The following MGA variants were observed in gnomAD, a reference collection of about 807,000 sequenced individuals.
The protein encoded by MGA is MAX gene-associated protein.
Under a neutral mutation model 261.1 loss-of-function variants are expected in MGA, and 40 were observed. The observed-to-expected ratio is 0.15, with a 90% CI of 0.12 to 0.20. MGA has a LOEUF of 0.20. MGA is among the 10% of genes least tolerant of loss of function. The probability of loss-of-function intolerance (pLI) is 1.00; values close to 1 mark genes in which losing one functional copy is unlikely to be tolerated. For missense variants in MGA, 3,397 were observed against 3,630.5 expected (o/e 0.94, Z 1.65); for synonymous variants, 1,302 against 1,290.6 (o/e 1.01, Z -0.19).
At chr15:41,648,924 A>C (rs932221577) in intron 1 of MGA, among the ~76,000 whole-genome samples, 9 of 152,134 alleles carry the variant, frequency 5.9e-5, no homozygotes, top group Non-Finnish European at 1.3e-4. Context: ...GAGAGAGAGA[A>C]AAAAGAAAAG....
intron 19 of MGA, among the ~76,000 whole-genome samples, chr15:41,759,248 C>G (rs1049889969): frequency 1.9e-4 from 29 of 152,088 alleles, no homozygotes; most frequent in African/African-American, 7.0e-4. Context: ...GAGCTAAATC[C>G]TCTTCTGCAT....
intron 1 of MGA, among the ~76,000 whole-genome samples, chr15:41,652,250 G>C (rs2057080228): frequency 6.6e-6 from 1 of 150,500 alleles, no homozygotes; most frequent in African/African-American, 2.4e-5. Context: ...TGGGATTACA[G>C]GCGTGAGCCA....
At chr15:41,758,502 G>A (rs1455529117) in intron 19 of MGA, among the ~76,000 whole-genome samples, 2 of 152,048 alleles carry the variant, frequency 1.3e-5, no homozygotes, top group East Asian at 1.9e-4. Flanking sequence ...ATGATACAGC[G>A]TATTTGCATG....
chr15:41,711,285 A>G lies in MGA; in HGVS notation c.3020A>G (p.Lys1007Arg), dbSNP rs2060371309. ...GAAGACTGTGCACTTTGGGAAGGAA[A>G]ACCAAGGACATACATCACAGAAGAG... Residue 1007 changes from lysine (K) to arginine (R), a missense_variant, in exon 8 of 24, where the codon AAA becomes AGA. Physicochemically the swap from Lys to Arg is conservative, Grantham distance 26. Around this residue, in one of 9 missense-constraint regions of MGA, gnomAD observed 519 missense variants for 554.1 expected, o/e 0.94. Transcript: ENST00000219905. 4 of 1,613,970 alleles carry G rather than the reference A, an allele frequency of 2.5e-6. No homozygotes were observed. The highest frequency in any genetic ancestry group is 3.4e-6 in the Non-Finnish European group (4 of 1,179,876).
chr15:41,656,177 G>A (rs1014243337), upstream of MGA, among the ~76,000 whole-genome samples: 3 of 152,080 alleles, frequency 2.0e-5, no homozygotes, highest in Non-Finnish European at 2.9e-5. Context: ...TAGGGCAAGC[G>A]TCTTAAAGAA....
chr15:41,711,400 C>T lies in MGA; in HGVS notation c.3084+51C>T, dbSNP rs1405386697. The stretch of plus-strand genomic sequence containing the variant: ...TATATTAGTGCTTGGCTAGAAAGAG[C>T]GAGGTTAGTGAGGGGAAATGGGAAT... On this transcript the variant is annotated intron_variant, in intron 8 of 23. Coordinates refer to ENST00000219905, the MANE Select transcript of MGA (RefSeq NM_001164273.2). 2.7e-6 allele frequency: 4 copies of T among 1,503,972 alleles called. No individual in the cohort carries two copies. The South Asian group carries it at 4.0e-5, about 15-fold the overall frequency. The allele number at this position is 1,503,972 out of a possible 1,614,324, so 93.2% of individuals were successfully genotyped here. A position where few individuals can be genotyped will look rare whatever the true frequency, so the allele number is the denominator to read the frequency against.
chr15:41,654,892 T>C (rs1348900848), intron 1 of MGA, among the ~76,000 whole-genome samples: 2 of 152,246 alleles, frequency 1.3e-5, no homozygotes, highest in Non-Finnish European at 2.9e-5. Flanking sequence ...TGCTATTTTT[T>C]CTTGTAGATG....
intron 14 of MGA, among the ~76,000 whole-genome samples, chr15:41,741,400 C>T (rs1038277777): frequency 6.8e-6 from 1 of 147,292 alleles, no homozygotes; most frequent in Non-Finnish European, 1.5e-5. Context: ...AAGGCAGCTT[C>T]AGTTGTGATT....
chr15:41,706,268 G>A (rs1770649174), intron 5 of MGA, among the ~76,000 whole-genome samples: 3 of 148,714 alleles, frequency 2.0e-5, no homozygotes, highest in Non-Finnish European at 4.5e-5. Flanking sequence ...AAATAAATAT[G>A]TAATACAATA....
In MGA at chr15:41,633,352, GTA is replaced by G. The variant is rs112994820; in HGVS notation, c.-68+12056_-68+12057del. Among the ~76,000 whole-genome samples, 118 of 94,036 alleles carry G rather than the reference GTA, an allele frequency of 1.3e-3. 4 individuals are homozygous for G. Among genetic ancestry groups the G allele is most frequent in the South Asian group, 7.9e-3 (17 of 2,144 alleles). The allele number at this position is 94,036 out of a possible 152,430, so 61.7% of individuals were successfully genotyped here. The stretch of plus-strand genomic sequence containing the variant: ...CTCTTCCTGACATTGCCCTCCTATG[GTA>G]TTTTTTTTTTTTTTTTTGAGACAGA... On this transcript the variant is annotated intron_variant, in intron 1 of 8. Transcript: ENST00000566718.
At position 41,706,236 on chromosome 15, in the gene MGA, C is replaced by CAA. The variant is rs1239541105; in HGVS notation, c.2189-1477_2189-1476dup. 1.6e-4 allele frequency among the ~76,000 whole-genome samples: 8 copies of CAA among 49,192 alleles called. No individual in the cohort carries two copies. The South Asian group carries it at 3.1e-3, about 19-fold the overall frequency. The allele number at this position is 49,192 out of a possible 152,430, so 32.3% of individuals were successfully genotyped here. On this transcript the variant is annotated intron_variant, in intron 5 of 23. Transcript: ENST00000219905. ...TGGGCAACAGAGTGAGACTCCATCT[C>CAA]AAAAAAAAAAAAAAAATGAATAAAT...
Position 41,754,428 on chromosome 15 carries a change from G to A in MGA, c.7009-9G>A. 6.5e-7 allele frequency: 1 copy of A among 1,530,968 alleles called. No homozygotes were observed. Among genetic ancestry groups the A allele is most frequent in the Non-Finnish European group, 8.8e-7 (1 of 1,139,038 alleles). 94.8% of individuals were successfully genotyped at this position (1,530,968 alleles called of 1,614,324 possible). On this transcript the variant is annotated splice_polypyrimidine_tract_variant and intron_variant, in intron 17 of 23. Transcript: ENST00000219905. ...ATACATTATTTACTTTTATAATGAT[G>A]TATTTCAGAATAACTGTGTAGAATA...
rs1595936733 is a variant in MGA at position 41,742,762 on chromosome 15, C to T, written c.4802C>T (p.Thr1601Ile). ...GTGACTGCTGCTGTCACTACTACCA[C>T]CCCTCAAGTGTTTTTAGAAAATACT... The change falls in exon 15 of 24, where the codon ACC becomes ATC. Residue 1601 changes from threonine (T) to isoleucine (I), a missense_variant. Thr to Ile is a moderately conservative substitution (Grantham distance 89). Transcript: ENST00000219905. 9 of 1,613,974 alleles carry T rather than the reference C, an allele frequency of 5.6e-6. No homozygotes were observed. The highest frequency in any genetic ancestry group is 7.6e-6 in the Non-Finnish European group (9 of 1,179,874).
rs1309710110 is a variant in MGA at position 41,748,643 on chromosome 15, C to G, written c.5219C>G (p.Ala1740Gly). 1 of 1,605,920 alleles carries G rather than the reference C, an allele frequency of 6.2e-7. No individual in the cohort carries two copies. The highest frequency in any genetic ancestry group is 2.2e-5 in the East Asian group (1 of 44,732). Reference sequence around the variant, plus strand: ...TCCATTTCCTGTTTTTCAGAAAATGCTGCTCAAATTCCAGTGGCTACTCCA... The same window carrying G: ...TCCATTTCCTGTTTTTCAGAAAATGGTGCTCAAATTCCAGTGGCTACTCCA... The change falls in exon 16 of 24, where the codon GCT becomes GGT. Residue 1740 changes from alanine to glycine, a missense_variant. By Grantham distance (60) the Ala-to-Gly change is moderately conservative. This residue lies in a region of MGA where 1,410 missense variants were observed against 1,386.4 expected (regional missense o/e 1.02). Coordinates refer to ENST00000219905, the MANE Select transcript of MGA (RefSeq NM_001164273.2).
chr15:41,742,531 A>G lies in MGA; in HGVS notation c.4586-15A>G, dbSNP rs1355206220. 6.9e-6 allele frequency: 11 copies of G among 1,605,644 alleles called. No homozygotes were observed. In the Admixed American group the frequency reaches 8.4e-5, roughly 12 times the overall value. On this transcript the variant is annotated splice_polypyrimidine_tract_variant and intron_variant, in intron 14 of 23. Transcript: ENST00000219905. ...GAGAACTGAAGATTTTTGACCTGCA[A>G]ATTTCTGTTTGCAGCGGCTCGACCC...
At chr15:41,637,805 C>T (rs888094586) in intron 1 of MGA, among the ~76,000 whole-genome samples, 37 of 149,862 alleles carry the variant, frequency 2.5e-4, no homozygotes, top group African/African-American at 9.1e-4. Flanking sequence ...AGTGCAATGG[C>T]GTGATCTCTG....
intron 14 of MGA, 117 bp from the exon 15 acceptor site, chr15:41,742,429 A>G (rs2062167489): frequency 8.5e-7 from 1 of 1,175,930 alleles, no homozygotes; most frequent in Non-Finnish European, 1.2e-6. Flanking sequence ...TAATACAGGT[A>G]GGTAGTACCT....
intron 7 of MGA, among the ~76,000 whole-genome samples, chr15:41,709,816 T>G (rs1415159613): frequency 6.6e-6 from 1 of 151,380 alleles, no homozygotes; most frequent in African/African-American, 2.4e-5. Context: ...TGTTATGTGT[T>G]TTTCTTTTCT....
At chr15:41,643,764 T>C (rs1228546517) in intron 1 of MGA, among the ~76,000 whole-genome samples, 1 of 138,944 alleles carries the variant, frequency 7.2e-6, no homozygotes, top group East Asian at 2.0e-4. Flanking sequence ...TGTGTCATAC[T>C]TTTTTTTTTT....
Sources: allele counts gnomAD v4.1 joint callset (sites outside exome capture counted in the v4.1 genomes callset), GRCh38; gene constraint gnomAD v4.1.1; regional missense constraint gnomAD v4.1.1; transcripts MANE v1.5; gene names NCBI Gene and HGNC (gene_info 2026-07-23, HGNC 2026-07-21).